The following USP9X variants were observed in gnomAD, a reference collection of about 807,000 sequenced individuals.
The protein encoded by USP9X is ubiquitin specific peptidase 9 X-linked.
Under a neutral mutation model 190.3 loss-of-function variants are expected in USP9X, and 7 were observed. The ratio of observed to expected loss-of-function variants is 0.04; its 90% CI spans 0.02 to 0.07. USP9X has a LOEUF of 0.07. USP9X is among the 10% of genes least tolerant of loss of function. The probability of loss-of-function intolerance (pLI) is 1.00; values close to 1 mark genes in which losing one functional copy is unlikely to be tolerated. For synonymous variants in USP9X, 645 were observed against 659.5 expected, an observed-to-expected ratio of 0.98 and a Z score of 0.34; for missense variants, 1,010 against 1,916.9, an observed-to-expected ratio of 0.53 and a Z score of 8.83.
chrX:41,198,452 TTTAC>T, intron 29 of USP9X, 72 bp from the exon 30 acceptor site: 1 of 668,569 alleles, frequency 1.5e-6, no homozygotes, highest in Non-Finnish European at 2.1e-6. Context: ...TTTAAAATGA[TTTAC>T]TTACAAGAGA....
At chrX:41,138,440 T>G (rs763747165) in intron 6 of USP9X, among the ~76,000 whole-genome samples, 6 of 112,492 alleles carry the variant, frequency 5.3e-5, no homozygotes, top group Admixed American at 9.4e-5. Flanking sequence ...CGGATACTGT[T>G]TGTAATGAGT....
At chrX:41,146,225 A>G (rs1038659222) in intron 11 of USP9X, among the ~76,000 whole-genome samples, 3 of 112,111 alleles carry the variant, frequency 2.7e-5, no homozygotes, top group Admixed American at 1.9e-4. Context: ...TATAATAATA[A>G]TTCTTCATGT....
intron 32 of USP9X, 86 bp from the exon 33 acceptor site, chrX:41,210,423 T>A: frequency 9.9e-7 from 1 of 1,008,284 alleles, no homozygotes; most frequent in South Asian, 2.1e-5. Flanking sequence ...GTGGTCTTGT[T>A]GCTTTTTTTT....
Position 41,085,682 on chromosome X carries a change from G to C in USP9X, c.-586G>C. The C allele has an allele frequency of 6.7e-6, 2 of 296,568 alleles. No homozygotes were observed. Among genetic ancestry groups the C allele is most frequent in the South Asian group, 2.1e-4 (1 of 4,714 alleles). 24.4% of individuals were successfully genotyped at this position (296,568 alleles called of 1,213,427 possible). A position where few individuals can be genotyped will look rare whatever the true frequency, so the allele number is the denominator to read the frequency against. On this transcript the variant is annotated 5_prime_UTR_variant, in exon 1 of 45. Coordinates refer to ENST00000378308, the MANE Select transcript of USP9X (RefSeq NM_001039591.3). ...CTTGGGTCGGCGCCGGGAGCGAGGAGCGAGCTACTTCAAAGCCACCAGGCC... is the reference window on the plus strand; with the variant it reads ...CTTGGGTCGGCGCCGGGAGCGAGGACCGAGCTACTTCAAAGCCACCAGGCC...
chrX:41,107,311 G>A (rs766207385), intron 1 of USP9X, among the ~76,000 whole-genome samples: 1 of 112,500 alleles, frequency 8.9e-6, no homozygotes, highest in African/African-American at 3.2e-5. Flanking sequence ...GAGCCACTGC[G>A]CTTGGCACGA....
chrX:41,144,220 A>T (rs1601968135), intron 10 of USP9X, among the ~76,000 whole-genome samples: 1 of 89,694 alleles, frequency 1.1e-5, no homozygotes, highest in Non-Finnish European at 2.1e-5. Context: ...TAATGTTAGA[A>T]TTTTTTTTTT....
chrX:41,182,848 T>G (rs1471845117), intron 21 of USP9X, among the ~76,000 whole-genome samples: 1 of 111,170 alleles, frequency 9.0e-6, no homozygotes, highest in Non-Finnish European at 1.9e-5. Flanking sequence ...TAGAGAGAAG[T>G]GACAGTTTCA....
chrX:41,110,023 C>T (rs1489943320), intron 1 of USP9X, among the ~76,000 whole-genome samples: 1 of 111,363 alleles, frequency 9.0e-6, no homozygotes, highest in Non-Finnish European at 1.9e-5. Context: ...ACATGAACCT[C>T]CTCATTTAAC....
rs1265394186 is a variant in USP9X, at chrX:41,232,473, A to G, written c.7614A>G (p.Glu2538=). The G allele has an allele frequency of 8.3e-7, 1 of 1,211,669 alleles. No homozygotes were observed. Among genetic ancestry groups the G allele is most frequent in the East Asian group, 3.0e-5 (1 of 33,865 alleles). The change falls in exon 45 of 45, where the codon GAA becomes GAG. Residue 2538 remains glutamate, a synonymous_variant. Coordinates refer to ENST00000378308, the MANE Select transcript of USP9X (RefSeq NM_001039591.3). Reference sequence around the variant, plus strand: ...AGAGAACTGGCCAACGAGCACAAGAAAATTATGAAGGCAGTGAAGAAGTAT... The same window carrying G: ...AGAGAACTGGCCAACGAGCACAAGAGAATTATGAAGGCAGTGAAGAAGTAT... ...NPQRTGQRAQ[E]NYEGSEEVSP...
Position 41,131,565 on chromosome X carries a change from A to T in USP9X, c.322+29A>T. ...AGTTATATGTTTTTATGCTTCCTAT[A>T]ATGTATGCTACTAGATGTATTTTTA... On this transcript the variant is annotated intron_variant, in intron 4 of 44. Transcript: ENST00000378308. The T allele has an allele frequency of 2.6e-6, 3 of 1,140,191 alleles. No homozygotes were observed. In the Middle Eastern group the frequency reaches 7.7e-4, roughly 291 times the overall value. 94.0% of individuals were successfully genotyped at this position (1,140,191 alleles called of 1,213,427 possible).
intron 32 of USP9X, 30 bp from the exon 33 acceptor site, chrX:41,210,479 G>T: frequency 2.5e-6 from 3 of 1,196,116 alleles, no homozygotes; most frequent in Non-Finnish European, 3.4e-6. Flanking sequence ...AATGTTACAT[G>T]TTACATGTTT....
chrX:41,195,545 C>T (rs183014523), intron 26 of USP9X, among the ~76,000 whole-genome samples: 1,384 of 111,384 alleles, frequency 0.012, 11 homozygotes, highest in Non-Finnish European at 0.019. Context: ...CAGTCCCCAA[C>T]CCTTTTGGCA....
At chrX:41,115,078 C>T (rs186321205) in intron 1 of USP9X, among the ~76,000 whole-genome samples, 6 of 108,261 alleles carry the variant, frequency 5.5e-5, no homozygotes, top group South Asian at 4.0e-4. Context: ...AAAATTAGCC[C>T]GGCATTGTGG....
At position 41,134,800 on chromosome X, in the gene USP9X, C is replaced by T; in HGVS notation, c.398C>T (p.Thr133Ile). ...ACAATATCATTCACTAAAATTCTTA[C>T]AGATGAAGCAGTGAGTGGCTGGAAG... is the stretch of plus-strand genomic sequence containing the variant. ...GLTISFTKIL[T>I]DEAVSGWKFE... The change falls in exon 5 of 45, where the codon ACA becomes ATA. Residue 133 changes from threonine (T) to isoleucine (I), a missense_variant. This residue lies in a region of USP9X where 176 missense variants were observed against 247.5 expected (regional missense o/e 0.71). Coordinates refer to ENST00000378308, the MANE Select transcript of USP9X (RefSeq NM_001039591.3). 8.3e-7 allele frequency: 1 copy of T among 1,209,784 alleles called. No homozygotes were observed. The highest frequency in any genetic ancestry group is 1.1e-6 in the Non-Finnish European group (1 of 894,338).
At chrX:41,220,954 A>AG (rs1470418853) in intron 38 of USP9X, among the ~76,000 whole-genome samples, 1 of 105,109 alleles carries the variant, frequency 9.5e-6, no homozygotes, top group African/African-American at 3.5e-5. Context: ...AAAAAAAAAA[A>AG]AAAAACTTGT....
chrX:41,208,534 T>C (rs1326965788), intron 32 of USP9X, among the ~76,000 whole-genome samples: 1 of 112,011 alleles, frequency 8.9e-6, no homozygotes, highest in Non-Finnish European at 1.9e-5. Flanking sequence ...CCCACTCTTT[T>C]ATTTTGAAAA....
intron 4 of USP9X, 77 bp downstream of exon 4, chrX:41,131,613 G>A: frequency 1.0e-6 from 1 of 957,847 alleles, no homozygotes; most frequent in South Asian, 2.6e-5. Context: ...AGCGGATGAA[G>A]TGGATTTGTT....
intron 18 of USP9X, among the ~76,000 whole-genome samples, chrX:41,169,478 G>C (rs1161064467): frequency 9.3e-6 from 1 of 108,073 alleles, no homozygotes; most frequent in East Asian, 2.9e-4. Flanking sequence ...TTTTTCTTTT[G>C]CATTTCACTC....
chrX:41,164,234 T>C (rs2062659850), intron 15 of USP9X, among the ~76,000 whole-genome samples: 2 of 111,773 alleles, frequency 1.8e-5, no homozygotes, highest in African/African-American at 6.5e-5. Context: ...TGGATTTCTA[T>C]TTATTGAACT....
Sources: gnomAD v4.1 joint callset for allele counts (sites outside exome capture counted in the v4.1 genomes callset) on GRCh38, gnomAD v4.1.1 for gene constraint, gnomAD v4.1.1 regional missense constraint, MANE v1.5 for transcripts, NCBI Gene and HGNC (gene_info 2026-07-23, HGNC 2026-07-21) for gene names.